The following TAF4 variants were observed in gnomAD, a reference collection of about 807,000 sequenced individuals.
TAF4 encodes transcription initiation factor TFIID subunit 4.
In TAF4, 9 loss-of-function variants were observed where a neutral mutation model predicts 90.3. That is an observed-to-expected ratio of 0.10 (90% CI 0.06 to 0.17). The LOEUF is 0.17. Among genes scored for constraint, TAF4 ranks in the 10% least tolerant of loss-of-function variants. The pLI is 1.00. For missense variants in TAF4, 1,351 were observed against 1,370.7 expected (o/e 0.99, Z 0.23); for synonymous variants, 818 against 638.9 (o/e 1.28, Z -4.23).
chr20:62,055,833 C>T (rs1314613762), intron 1 of TAF4, among the ~76,000 whole-genome samples: 1 of 152,212 alleles, frequency 6.6e-6, no homozygotes, highest in African/African-American at 2.4e-5. Context: ...CTGCCTGGCC[C>T]CCACAACGGA....
At chr20:62,015,209 G>T (rs575028770) in intron 1 of TAF4, among the ~76,000 whole-genome samples, 1 of 152,336 alleles carries the variant, frequency 6.6e-6, no homozygotes, top group South Asian at 2.1e-4. Flanking sequence ...CTCCTCACCA[G>T]AACCCTCCTC....
At chr20:62,044,465 AT>A (rs1390371705) in intron 1 of TAF4, among the ~76,000 whole-genome samples, 2 of 152,228 alleles carry the variant, frequency 1.3e-5, no homozygotes, top group African/African-American at 4.8e-5. Context: ...ACATAACTAA[AT>A]TGTGTATCAA....
intron 1 of TAF4, among the ~76,000 whole-genome samples, chr20:62,057,010 T>C (rs1306712373): frequency 6.6e-6 from 1 of 152,232 alleles, no homozygotes. Flanking sequence ...CTGAGCACCG[T>C]GCGTGGCTCC....
intron 14 of TAF4, among the ~76,000 whole-genome samples, chr20:61,982,230 T>A (rs55742737): frequency 4.6e-3 from 49 of 10,700 alleles, no homozygotes; most frequent in Middle Eastern, 0.2. Flanking sequence ...CCACACCCAC[T>A]GAGAGGAAAC....
chr20:62,052,104 C>T (rs1240726127), intron 1 of TAF4, among the ~76,000 whole-genome samples: 2 of 152,150 alleles, frequency 1.3e-5, no homozygotes, highest in African/African-American at 4.8e-5. Context: ...GCATGGCCAC[C>T]GAGCACCGCA....
chr20:61,986,593 G>T (rs2055593912), intron 14 of TAF4, among the ~76,000 whole-genome samples: 1 of 152,266 alleles, frequency 6.6e-6, no homozygotes, highest in African/African-American at 2.4e-5. Context: ...ATGGAAAACA[G>T]AAGATGTGCT....
Position 61,974,907 on chromosome 20 carries a change from G to A in TAF4, c.*1261C>T, listed in dbSNP as rs903571205. 2.6e-5 allele frequency: 4 copies of A among 152,336 alleles called. No individual in the cohort carries two copies. The highest frequency in any genetic ancestry group is 1.3e-4 in the Admixed American group (2 of 15,276). 9.4% of individuals were successfully genotyped at this position (152,336 alleles called of 1,614,324 possible). A position where few individuals can be genotyped will look rare whatever the true frequency, so the allele number is the denominator to read the frequency against. On this transcript the variant is annotated 3_prime_UTR_variant, in exon 15 of 15. Transcript: ENST00000252996. This position sits in a 1 kb window ranked among gnomAD's most constrained non-coding sequence, Gnocchi z 4.1. Reference sequence around the variant, plus strand: ...AAGTAAAATATTTACATATGAACAAGTAACTGTGCAAAATTTACATGAAAA... The same window carrying A: ...AAGTAAAATATTTACATATGAACAAATAACTGTGCAAAATTTACATGAAAA...
At chr20:62,004,295 A>G (rs576740892) in intron 7 of TAF4, among the ~76,000 whole-genome samples, 19 of 146,130 alleles carry the variant, frequency 1.3e-4, no homozygotes, top group African/African-American at 3.3e-4. Flanking sequence ...AAGTGGTTCT[A>G]TCTCATCTGA....
intron 1 of TAF4, among the ~76,000 whole-genome samples, chr20:62,047,792 G>A (rs1319028010): frequency 6.6e-6 from 1 of 152,202 alleles, no homozygotes; most frequent in Non-Finnish European, 1.5e-5. Context: ...TCCCATCACA[G>A]GAACACGGCA....
chr20:62,003,492 T>G (rs542303888), intron 8 of TAF4, among the ~76,000 whole-genome samples: 1 of 152,324 alleles, frequency 6.6e-6, no homozygotes, highest in African/African-American at 2.4e-5. Context: ...GTTTTTAAAG[T>G]GCAGGAATGA....
intron 14 of TAF4, among the ~76,000 whole-genome samples, chr20:61,993,762 T>C (rs953634231): frequency 6.6e-6 from 1 of 152,130 alleles, no homozygotes; most frequent in Non-Finnish European, 1.5e-5. Context: ...TTGTTTGTTT[T>C]TTGTTTTTGA....
rs761871116 is a variant in TAF4 at position 62,007,568 on chromosome 20, A to G, written c.1953T>C (p.Pro651=). The G allele has an allele frequency of 6.2e-7, 1 of 1,613,670 alleles. No individual in the cohort carries two copies. The highest frequency in any genetic ancestry group is 8.5e-7 in the Non-Finnish European group (1 of 1,179,838). Residue 651 remains proline (P), a synonymous_variant, in exon 6 of 15, where the codon CCT becomes CCC. Transcript: ENST00000252996. ...LYRELNSSPQ[P]YLVPFLKRSL... ...TTACCTTCAGGAAAGGCACAAGGTA[A>G]GGTTGAGGTGAAGAATTAAGTTCTC...
At chr20:62,031,358 G>T (rs1159646630) in intron 1 of TAF4, among the ~76,000 whole-genome samples, 1 of 152,216 alleles carries the variant, frequency 6.6e-6, no homozygotes, top group Non-Finnish European at 1.5e-5. Context: ...GAGCATGCTG[G>T]CTGGGCCCAG....
intron 1 of TAF4, among the ~76,000 whole-genome samples, chr20:62,050,607 G>A (rs1209631477): frequency 2.0e-5 from 3 of 152,208 alleles, no homozygotes; most frequent in South Asian, 2.1e-4. Flanking sequence ...AGAAGAGAAG[G>A]ACAAGAGAGT....
rs755457820 is a variant in TAF4, at chr20:62,065,110, G to A, written c.701C>T (p.Pro234Leu). ...ALLPLPKPAA[P>L]GTVIQTPPFV... ...GGGGGGCGTCTGGATGACAGTGCCG[G>A]GGGCGGCGGGCTTGGGCAGCGGCAG... The change falls in exon 1 of 15, where the codon CCC becomes CTC. Residue 234 changes from proline to leucine, a missense_variant. Pro to Leu is a moderately conservative substitution (Grantham distance 98). Around this residue, in one of 9 missense-constraint regions of TAF4, gnomAD observed 782 missense variants for 536.6 expected, o/e 1.46. Transcript: ENST00000252996. 203 of 1,117,654 alleles carry A rather than the reference G, an allele frequency of 1.8e-4. No homozygotes were observed. The highest frequency in any genetic ancestry group is 2.2e-4 in the Non-Finnish European group (199 of 898,986). 69.2% of individuals were successfully genotyped at this position (1,117,654 alleles called of 1,614,324 possible).
chr20:62,058,990 G>T (rs1268835642), intron 1 of TAF4, among the ~76,000 whole-genome samples: 1 of 152,170 alleles, frequency 6.6e-6, no homozygotes, highest in African/African-American at 2.4e-5. Flanking sequence ...TGGGGCTCGG[G>T]GGGCCAACCT....
intron 14 of TAF4, among the ~76,000 whole-genome samples, chr20:61,988,560 CT>C (rs2055610085): frequency 6.6e-6 from 1 of 152,152 alleles, no homozygotes; most frequent in Admixed American, 6.5e-5. Context: ...AAGACTTACC[CT>C]TAAGAGGTAT....
chr20:61,989,093 C>T (rs898694101), intron 14 of TAF4, among the ~76,000 whole-genome samples: 2 of 152,172 alleles, frequency 1.3e-5, no homozygotes, highest in African/African-American at 2.4e-5. Flanking sequence ...GGCGGCTAAA[C>T]GGAAGCCCTG....
chr20:62,014,013 G>GT (rs2055796657), intron 2 of TAF4, among the ~76,000 whole-genome samples: 1 of 122,382 alleles, frequency 8.2e-6, no homozygotes, highest in African/African-American at 4.1e-5. Flanking sequence ...CTGACGCGGG[G>GT]GTGTGGGTGT....
Sources: allele counts gnomAD v4.1 joint callset (sites outside exome capture counted in the v4.1 genomes callset), GRCh38; gene constraint gnomAD v4.1.1; regional missense constraint gnomAD v4.1.1; non-coding constraint Gnocchi (gnomAD v3.1); transcripts MANE v1.5; gene names NCBI Gene and HGNC (gene_info 2026-07-23, HGNC 2026-07-21).